SVIL: variants seen among roughly 807,000 people sequenced by gnomAD.
SVIL encodes supervillin, also known as archvillin.
In SVIL, 101 loss-of-function variants were observed where a neutral mutation model predicts 240.4. The observed-to-expected ratio is 0.42, with a 90% CI of 0.36 to 0.50. The LOEUF is 0.50. Ranked by LOEUF, SVIL falls within the 20% of genes least tolerant of loss-of-function variation. The pLI is 0.01. For synonymous variants in SVIL, 999 were observed against 1,100.0 expected, an observed-to-expected ratio of 0.91 and a Z score of 1.82; for missense variants, 2,512 against 2,818.7, an observed-to-expected ratio of 0.89 and a Z score of 2.46.
At chr10:29,485,577 T>G (rs190974240) in intron 26 of SVIL, among the ~76,000 whole-genome samples, 4 of 152,348 alleles carry the variant, frequency 2.6e-5, no homozygotes, top group Admixed American at 6.5e-5. Context: ...ACATTCCTTC[T>G]AATACTCTTC....
chr10:29,735,086 G>C lies in SVIL; in HGVS notation c.-400+665C>G, dbSNP rs995350458. On this transcript the variant is annotated intron_variant, in intron 1 of 35. Transcript: ENST00000375400. This position sits in a 1 kb window ranked among gnomAD's most constrained non-coding sequence, Gnocchi z 4.1. ...TGTAATGCAATTACCGCCTTCTGGA[G>C]CTCCACTCGGGGTGCCAGGGACTGC... Among the ~76,000 whole-genome samples, 3 of 151,632 alleles carry C rather than the reference G, an allele frequency of 2.0e-5. No individual in the cohort carries two copies. Among genetic ancestry groups the C allele is most frequent in the African/African-American group, 7.3e-5 (3 of 41,236 alleles).
intron 1 of SVIL, chr10:29,602,331 C>T (rs12416605): frequency 0.23 from 119,486 of 528,900 alleles, 15,710 homozygotes; most frequent in Non-Finnish European, 0.27. Context: ...CCTTTAAGGG[C>T]ACATGGTACA....
At chr10:29,688,059 G>A (rs1244425314) in intron 1 of SVIL, among the ~76,000 whole-genome samples, 1 of 152,214 alleles carries the variant, frequency 6.6e-6, no homozygotes, top group Non-Finnish European at 1.5e-5. Context: ...GAAGGGGAAA[G>A]TGTCAATTAC....
intron 2 of SVIL, among the ~76,000 whole-genome samples, chr10:29,685,386 G>A (rs1960988654): frequency 1.3e-5 from 2 of 152,190 alleles, no homozygotes. Context: ...ATGAACATAT[G>A]TGTACATGTG....
chr10:29,723,483 C>A (rs965155589), intron 1 of SVIL, among the ~76,000 whole-genome samples: 1 of 152,074 alleles, frequency 6.6e-6, no homozygotes, highest in African/African-American at 2.4e-5. Context: ...TTTCGGTATT[C>A]ACTGTTAAGA....
In SVIL at chr10:29,555,547, C is replaced by T. The variant is rs77011992; in HGVS notation, c.-50-439G>A. Among the ~76,000 whole-genome samples, 318 of 152,144 alleles carry T rather than the reference C, an allele frequency of 2.1e-3. 1 individual carries two copies. Among genetic ancestry groups the T allele is most frequent in the African/African-American group, 7.4e-3 (305 of 41,490 alleles). On this transcript the variant is annotated intron_variant, in intron 3 of 37. Coordinates refer to ENST00000355867, the MANE Select transcript of SVIL (RefSeq NM_021738.3). ...GTTTTGTTGTATATATATTGTAACA[C>T]CTAGCTATGTGACTCACGTATATGT...
upstream of SVIL, among the ~76,000 whole-genome samples, chr10:29,639,004 AGGCTGGTCTTGAACTCTT>A (rs1271891292): frequency 6.6e-6 from 1 of 152,190 alleles, no homozygotes; most frequent in Non-Finnish European, 1.5e-5. Context: ...TATTTGGCTC[AGGCTGGTCTTGAACTCTT>A]GGGCTTATGT....
At chr10:29,714,936 C>T (rs1362363697) in intron 1 of SVIL, among the ~76,000 whole-genome samples, 1 of 118,118 alleles carries the variant, frequency 8.5e-6, no homozygotes, top group Non-Finnish European at 1.7e-5. Flanking sequence ...AAAGAAAGAC[C>T]TTGTCTGAAA....
At chr10:29,518,905 G>A (rs1238004759) in intron 16 of SVIL, among the ~76,000 whole-genome samples, 1 of 152,190 alleles carries the variant, frequency 6.6e-6, no homozygotes, top group East Asian at 1.9e-4. Flanking sequence ...TGTACAAAAT[G>A]TGGAAGGCAG....
chr10:29,506,064 G>C (rs1045253959), intron 17 of SVIL, among the ~76,000 whole-genome samples: 1 of 152,066 alleles, frequency 6.6e-6, no homozygotes, highest in African/African-American at 2.4e-5. Flanking sequence ...TGCTGTATTG[G>C]TTTTTAATTT....
At chr10:29,545,771 C>T (rs1589193855) in intron 6 of SVIL, among the ~76,000 whole-genome samples, 1 of 143,142 alleles carries the variant, frequency 7.0e-6, no homozygotes, top group East Asian at 2.2e-4. Flanking sequence ...AGGAGAATCG[C>T]TTGAACCCAG....
At chr10:29,539,010 A>T (rs770427495) in intron 6 of SVIL, among the ~76,000 whole-genome samples, 3 of 152,068 alleles carry the variant, frequency 2.0e-5, no homozygotes, top group Non-Finnish European at 4.4e-5. Flanking sequence ...TTAAAAAATT[A>T]AAAAGTTAGT....
At chr10:29,544,754 T>TAAAA (rs373279682) in intron 6 of SVIL, among the ~76,000 whole-genome samples, 1 of 70,310 alleles carries the variant, frequency 1.4e-5, no homozygotes, top group Non-Finnish European at 2.7e-5. Flanking sequence ...AGACCTTTTC[T>TAAAA]AAAAAAAAAA....
Position 29,535,978 on chromosome 10 carries a change from C to G in SVIL, c.908+11G>C, listed in dbSNP as rs772178436. Reference sequence around the variant, plus strand: ...ATGCACACAAGCCCCAGAGGGCCGGCGTGCGGGTACCTGGAAGGCCAGTTG... The same window carrying G: ...ATGCACACAAGCCCCAGAGGGCCGGGGTGCGGGTACCTGGAAGGCCAGTTG... On this transcript the variant is annotated intron_variant, in intron 7 of 37. Transcript: ENST00000355867. 1 of 1,613,936 alleles carries G rather than the reference C, an allele frequency of 6.2e-7. No homozygotes were observed. Among genetic ancestry groups the G allele is most frequent in the African/African-American group, 1.3e-5 (1 of 75,040 alleles).
chr10:29,636,861 G>C (rs898356796), upstream of SVIL, among the ~76,000 whole-genome samples: 1 of 152,038 alleles, frequency 6.6e-6, no homozygotes, highest in Non-Finnish European at 1.5e-5. Context: ...TGGAGTAGAG[G>C]TGTGCAATCA....
At chr10:29,569,386 C>T in intron 1 of SVIL, 74 bp from the exon 2 acceptor site, 1 of 696,468 alleles carries the variant, frequency 1.4e-6, no homozygotes, top group Non-Finnish European at 1.8e-6. Context: ...AAAAACTCTC[C>T]AAACTGCTTT....
chr10:29,588,915 C>A (rs1452028272), intron 1 of SVIL, among the ~76,000 whole-genome samples: 1 of 151,996 alleles, frequency 6.6e-6, no homozygotes, highest in Non-Finnish European at 1.5e-5. Flanking sequence ...CCTCCCCCAC[C>A]CCCCCTTTTA....
intron 1 of SVIL, among the ~76,000 whole-genome samples, chr10:29,630,668 G>GTACAGAAACCCCATA (rs754471110): frequency 6.6e-6 from 1 of 151,938 alleles, no homozygotes; most frequent in Non-Finnish European, 1.5e-5. Flanking sequence ...AAAAGCACGT[G>GTACAGAAACCCCATA]TACAGAAACC....
chr10:29,635,780 A>G (rs544903800), upstream of SVIL, among the ~76,000 whole-genome samples: 27 of 152,366 alleles, frequency 1.8e-4, no homozygotes, highest in Non-Finnish European at 3.1e-4. Context: ...CCAAGAACAG[A>G]GAGTCTTAAT....
Sources: allele counts gnomAD v4.1 joint callset (sites outside exome capture counted in the v4.1 genomes callset), GRCh38; gene constraint gnomAD v4.1.1; non-coding constraint Gnocchi (gnomAD v3.1); transcripts MANE v1.5; gene names NCBI Gene and HGNC (gene_info 2026-07-23, HGNC 2026-07-21).